PLPP1: variants seen among roughly 807,000 people sequenced by gnomAD.
The protein encoded by PLPP1 is phospholipid phosphatase 1, also known as lipid phosphate phosphohydrolase 1a.
A neutral mutation model predicts 31.2 loss-of-function variants in PLPP1; 24 were observed. The observed-to-expected ratio is 0.77, with a 90% confidence interval of 0.56 to 1.08. PLPP1 has a LOEUF of 1.08. Ranked by LOEUF, PLPP1 falls within the 50% of genes least tolerant of loss-of-function variation. The pLI is 0.00. For synonymous variants in PLPP1, 146 were observed against 126.3 expected (o/e 1.16, Z -1.05); for missense variants, 319 against 342.7 (o/e 0.93, Z 0.55).
Position 55,442,003 on chromosome 5 carries a change from C to T in PLPP1, c.492-95G>A, listed in dbSNP as rs1037059307. The T allele has an allele frequency of 5.9e-6, 7 of 1,180,636 alleles. No individual in the cohort carries two copies. In the Admixed American group the frequency reaches 1.2e-4, roughly 20 times the overall value. 73.1% of individuals were successfully genotyped at this position (1,180,636 alleles called of 1,614,324 possible). A position where few individuals can be genotyped will look rare whatever the true frequency, so the allele number is the denominator to read the frequency against. On this transcript the variant is annotated intron_variant, in intron 3 of 5. Transcript: ENST00000307259. ...CTGCTCCTTAGTTTCAGAGTGTACA[C>T]AACTGCCTCCCTCTACTTTGAGAAA... is the stretch of plus-strand genomic sequence containing the variant.
intron 1 of PLPP1, among the ~76,000 whole-genome samples, chr5:55,509,460 T>C (rs1753357731): frequency 6.6e-6 from 1 of 152,188 alleles, no homozygotes; most frequent in African/African-American, 2.4e-5. Context: ...GCTGACATGG[T>C]TTTATTATAA....
chr5:55,504,198 G>A (rs1330548066), intron 1 of PLPP1, among the ~76,000 whole-genome samples: 10 of 151,462 alleles, frequency 6.6e-5, no homozygotes, highest in Admixed American at 3.3e-4. Context: ...GTGAAACCCC[G>A]TCTCTACTAA....
At chr5:55,521,650 A>C (rs1753670835) in intron 1 of PLPP1, among the ~76,000 whole-genome samples, 1 of 152,206 alleles carries the variant, frequency 6.6e-6, no homozygotes, top group African/African-American at 2.4e-5. Context: ...GCTAACAGGC[A>C]CTCAATAACA....
chr5:55,444,828 C>A (rs1751720231), intron 3 of PLPP1, among the ~76,000 whole-genome samples: 1 of 148,416 alleles, frequency 6.7e-6, no homozygotes, highest in African/African-American at 2.5e-5. Flanking sequence ...TGGCTCACTG[C>A]CACCTCTGCC....
chr5:55,444,335 C>T (rs1305694702), intron 3 of PLPP1, among the ~76,000 whole-genome samples: 1 of 152,168 alleles, frequency 6.6e-6, no homozygotes. Context: ...TCGCCCTCGG[C>T]CTCCCAAAGT....
intron 1 of PLPP1, among the ~76,000 whole-genome samples, chr5:55,476,385 T>C (rs1340381197): frequency 1.1e-4 from 16 of 152,170 alleles, no homozygotes; most frequent in African/African-American, 3.6e-4. Flanking sequence ...GAGAGCGCTG[T>C]TTTTATCATC....
chr5:55,498,891 C>G (rs936264852), intron 1 of PLPP1, among the ~76,000 whole-genome samples: 5 of 152,212 alleles, frequency 3.3e-5, no homozygotes, highest in Non-Finnish European at 7.3e-5. Flanking sequence ...CTACTGGAAT[C>G]TTGAAGGCAA....
chr5:55,507,846 G>T (rs1430530831), intron 1 of PLPP1, among the ~76,000 whole-genome samples: 1 of 131,360 alleles, frequency 7.6e-6, no homozygotes, highest in Non-Finnish European at 1.6e-5. Flanking sequence ...TCTGCACACT[G>T]ATCACTGAAA....
At chr5:55,509,481 G>A (rs867824171) in intron 1 of PLPP1, among the ~76,000 whole-genome samples, 2 of 152,074 alleles carry the variant, frequency 1.3e-5, no homozygotes, top group Non-Finnish European at 2.9e-5. Flanking sequence ...AAAGTTCTTC[G>A]TTATCTTTTC....
intron 4 of PLPP1, among the ~76,000 whole-genome samples, chr5:55,434,339 A>T (rs1036248844): frequency 2.0e-5 from 3 of 152,254 alleles, no homozygotes; most frequent in Middle Eastern, 6.8e-3. Context: ...TAATATGGTT[A>T]AAATGACCAG....
chr5:55,511,228 G>A (rs1753399061), intron 1 of PLPP1, among the ~76,000 whole-genome samples: 1 of 152,162 alleles, frequency 6.6e-6, no homozygotes, highest in Non-Finnish European at 1.5e-5. Context: ...AGAGAAGCAG[G>A]CTGAAAAGGA....
In PLPP1 at chr5:55,534,796, C is replaced by T; in HGVS notation, c.-167G>A. Reference sequence around the variant, plus strand: ...GGGCGGGCTGAGACCGGGCGGCGCTCCCACCGCCAGCAATGGCGCCCGGGG... The same window carrying T: ...GGGCGGGCTGAGACCGGGCGGCGCTTCCACCGCCAGCAATGGCGCCCGGGG... On this transcript the variant is annotated 5_prime_UTR_variant, in exon 1 of 6. Coordinates refer to ENST00000307259, the MANE Select transcript of PLPP1 (RefSeq NM_003711.4). 3.0e-6 allele frequency: 2 copies of T among 666,104 alleles called. No individual in the cohort carries two copies. Among genetic ancestry groups the T allele is most frequent in the Non-Finnish European group, 4.7e-6 (2 of 424,684 alleles). 41.3% of individuals were successfully genotyped at this position (666,104 alleles called of 1,614,324 possible). A position where few individuals can be genotyped will look rare whatever the true frequency, so the allele number is the denominator to read the frequency against.
In PLPP1 at chr5:55,487,787, C is replaced by A. The variant is rs183098567; in HGVS notation, c.59-12337G>T. Among the ~76,000 whole-genome samples the A allele has an allele frequency of 1.3e-3, 201 of 152,266 alleles. 2 individuals are homozygous for A. The Middle Eastern group carries it at 0.024, about 18-fold the overall frequency. On this transcript the variant is annotated intron_variant, in intron 1 of 5. Transcript: ENST00000307259. ...GAATTCCTTCCTGCACATTCAAGCA[C>A]ATTTAAGGCCCAGAAACTGGCCAAA... is the stretch of plus-strand genomic sequence containing the variant.
chr5:55,530,406 T>C, intron 1 of PLPP1: 9 of 1,278,382 alleles, frequency 7.0e-6, no homozygotes, highest in Non-Finnish European at 1.0e-5. Context: ...ATTTGATTCT[T>C]GACACAGGGG....
At chr5:55,432,098 C>CTTTTTTTTTT (rs869025950) in intron 4 of PLPP1, among the ~76,000 whole-genome samples, 5 of 7,122 alleles carry the variant, frequency 7.0e-4, no homozygotes, top group Non-Finnish European at 1.5e-3. Flanking sequence ...TCTTTTTCTT[C>CTTTTTTTTTT]TTTTTTTTTT....
At chr5:55,461,885 A>G (rs1752173995) in intron 3 of PLPP1, among the ~76,000 whole-genome samples, 1 of 152,158 alleles carries the variant, frequency 6.6e-6, no homozygotes, top group Admixed American at 6.5e-5. Flanking sequence ...AGGATACATG[A>G]TTAATATAAA....
intron 1 of PLPP1, among the ~76,000 whole-genome samples, chr5:55,481,222 T>TG (rs1387102444): frequency 1.3e-5 from 2 of 152,212 alleles, no homozygotes; most frequent in Non-Finnish European, 2.9e-5. Flanking sequence ...TTAGAAATAT[T>TG]GGTGCTGGGG....
chr5:55,526,954 A>AAG (rs1740472417), intron 1 of PLPP1, among the ~76,000 whole-genome samples: 7 of 150,706 alleles, frequency 4.6e-5, no homozygotes, highest in African/African-American at 1.7e-4. Context: ...AAAAAAAAAA[A>AAG]GTTAAATAGA....
intron 2 of PLPP1, among the ~76,000 whole-genome samples, chr5:55,470,315 C>T (rs1752390288): frequency 6.6e-6 from 1 of 152,216 alleles, no homozygotes; most frequent in South Asian, 2.1e-4. Flanking sequence ...ACAGTTTCAG[C>T]AGTTGAAACT....
Sources: allele counts gnomAD v4.1 joint callset (sites outside exome capture counted in the v4.1 genomes callset), GRCh38; gene constraint gnomAD v4.1.1; transcripts MANE v1.5; gene names NCBI Gene and HGNC (gene_info 2026-07-23, HGNC 2026-07-21).